BST1: variants seen among roughly 807,000 people sequenced by gnomAD.
BST1 encodes ADP-ribosyl cyclase/cyclic ADP-ribose hydrolase 2.
BST1 carries 49 observed loss-of-function variants against 40.6 expected under a neutral mutation model. That is an observed-to-expected ratio of 1.21 (90% CI 0.96 to 1.53). BST1 has a LOEUF of 1.53. Ranked by LOEUF, BST1 falls within the 40% of genes most tolerant of loss-of-function variation. The pLI is 0.00. For synonymous variants in BST1, 157 were observed against 159.3 expected, an observed-to-expected ratio of 0.99 and a Z score of 0.11; for missense variants, 423 against 395.9, an observed-to-expected ratio of 1.07 and a Z score of -0.58.
intron 6 of BST1, among the ~76,000 whole-genome samples, chr4:15,716,612 C>A (rs562103832): frequency 2.6e-5 from 4 of 152,164 alleles, no homozygotes; most frequent in Non-Finnish European, 5.9e-5. Flanking sequence ...TTATTTTTCC[C>A]GTCTCTTAGG....
chr4:15,722,865 C>T lies in BST1; in HGVS notation c.792-10C>T. Reference sequence around the variant, plus strand: ...TAAATAATCCCTTAAATATTATTTTCTTTCTGTAGACCAGTGAAGCTCTTA... The same window carrying T: ...TAAATAATCCCTTAAATATTATTTTTTTTCTGTAGACCAGTGAAGCTCTTA... On this transcript the variant is annotated splice_polypyrimidine_tract_variant and intron_variant, in intron 7 of 8. Transcript: ENST00000265016. 1 of 1,610,604 alleles carries T rather than the reference C, an allele frequency of 6.2e-7. No homozygotes were observed. Among genetic ancestry groups the T allele is most frequent in the South Asian group, 1.1e-5 (1 of 90,618 alleles).
rs149266397 is a variant in BST1, at chr4:15,719,060, C to T, written c.791+67C>T. 78 of 1,419,142 alleles carry T rather than the reference C, an allele frequency of 5.5e-5. 1 individual carries two copies. In the East Asian group the frequency reaches 1.1e-3, roughly 21 times the overall value. The allele number at this position is 1,419,142 out of a possible 1,614,324, so 87.9% of individuals were successfully genotyped here. ...TATGATTTTGGAGGAGGTGGGCTGC[C>T]GAAAGGGTATTGATGGCTCTCAGCT... On this transcript the variant is annotated intron_variant, in intron 7 of 8. Transcript: ENST00000265016.
At chr4:15,707,464 G>A (rs1719941259) in intron 2 of BST1, 47 bp from the exon 3 acceptor site, 1 of 1,612,808 alleles carries the variant, frequency 6.2e-7, no homozygotes, top group Non-Finnish European at 8.5e-7. Flanking sequence ...TGAGGAGTCG[G>A]TTTTGATTCT....
rs1324521932 is a variant in BST1, at chr4:15,703,994, G to A, written c.188+662G>A. On this transcript the variant is annotated intron_variant, in intron 1 of 8. Transcript: ENST00000265016. ...TGTGTGTGTTCTGGAGGTGAGATGT[G>A]TGTGTGTGTGTTCTAGAGGTGAGGG... Among the ~76,000 whole-genome samples, 35 of 145,406 alleles carry A rather than the reference G, an allele frequency of 2.4e-4. 1 individual carries two copies. The highest frequency in any genetic ancestry group is 7.9e-4 in the African/African-American group (31 of 39,062).
intron 2 of BST1, 105 bp downstream of exon 2, chr4:15,705,746 C>T: frequency 4.9e-6 from 7 of 1,426,390 alleles, no homozygotes; most frequent in Non-Finnish European, 5.9e-6. Context: ...CCTGCAATGT[C>T]ACAGAAACAT....
At position 15,709,875 on chromosome 4, in the gene BST1, C is replaced by T. The variant is rs183759322; in HGVS notation, c.452-1932C>T. Among the ~76,000 whole-genome samples the T allele has an allele frequency of 3.2e-3, 491 of 152,254 alleles. 2 individuals carry two copies. The highest frequency in any genetic ancestry group is 0.011 in the African/African-American group (472 of 41,548). ...ATAAAAACACATATACACAATACAT[C>T]TATGTAAATAAACACAGAAAAAAGT... On this transcript the variant is annotated intron_variant, in intron 3 of 8. Coordinates refer to ENST00000265016, the MANE Select transcript of BST1 (RefSeq NM_004334.3).
At chr4:15,719,036 A>C in intron 7 of BST1, 43 bp downstream of exon 7, 1 of 1,574,222 alleles carries the variant, frequency 6.4e-7, no homozygotes, top group Admixed American at 1.7e-5. Context: ...GAGGTGGTGT[A>C]TGATTTTGGA....
At chr4:15,757,211 C>T in the BST1 span, among the ~76,000 whole-genome samples, 1 of 152,166 alleles carries the variant, frequency 6.6e-6, no homozygotes, top group Non-Finnish European at 1.5e-5. Flanking sequence ...GCTATATAAG[C>T]TTCAATCATC....
chr4:15,768,715 C>T, the BST1 span, among the ~76,000 whole-genome samples: 1 of 151,936 alleles, frequency 6.6e-6, no homozygotes, highest in African/African-American at 2.4e-5. Flanking sequence ...CCAGGATGGT[C>T]TCGATCTCCT....
chr4:15,726,841 A>C (rs1721139775), intron 8 of BST1, among the ~76,000 whole-genome samples: 1 of 149,902 alleles, frequency 6.7e-6, no homozygotes, highest in African/African-American at 2.5e-5. Context: ...AAGGAGAACG[A>C]GGGTAGCTCT....
intron 8 of BST1, among the ~76,000 whole-genome samples, chr4:15,725,945 G>T (rs6845597): frequency 0.15 from 16,846 of 114,318 alleles, 2,159 homozygotes; most frequent in East Asian, 0.56. Flanking sequence ...GTGAAGTGCG[G>T]TCTTTTTTTT....
In BST1 at chr4:15,722,128, C is replaced by G. The variant is rs771088423; in HGVS notation, c.792-747C>G. On this transcript the variant is annotated intron_variant, in intron 7 of 8. Transcript: ENST00000265016. ...AGCATTGGCCATCACCCATGTGGTT[C>G]AAGTCCAACCTTCTGCCCAAAGTAC... Among the ~76,000 whole-genome samples, 3 of 152,344 alleles carry G rather than the reference C, an allele frequency of 2.0e-5. 1 individual carries two copies. The highest frequency in any genetic ancestry group is 4.4e-5 in the Non-Finnish European group (3 of 68,036).
chr4:15,763,399 G>A, the BST1 span, among the ~76,000 whole-genome samples: 7 of 151,586 alleles, frequency 4.6e-5, 1 homozygote, highest in African/African-American at 1.5e-4. Flanking sequence ...TAATATTAAT[G>A]CCATTTATTT....
downstream of BST1, among the ~76,000 whole-genome samples, chr4:15,740,522 G>C (rs1213924490): frequency 2.0e-5 from 3 of 152,166 alleles, no homozygotes; most frequent in African/African-American, 7.2e-5. Flanking sequence ...CTATTAGCCA[G>C]ATGAGAGGTG....
chr4:15,705,680 G>A, intron 2 of BST1, 39 bp downstream of exon 2: 4 of 1,609,458 alleles, frequency 2.5e-6, no homozygotes, highest in Non-Finnish European at 3.4e-6. Flanking sequence ...TGTGTTCTCT[G>A]TCTCTACAGA....
the BST1 span, among the ~76,000 whole-genome samples, chr4:15,759,271 A>T: frequency 6.6e-6 from 1 of 151,978 alleles, no homozygotes; most frequent in Non-Finnish European, 1.5e-5. Flanking sequence ...AAGAAGATGG[A>T]TGTGCTGCTC....
the BST1 span, chr4:15,743,569 C>T: frequency 5.6e-6 from 2 of 357,588 alleles, no homozygotes; most frequent in Admixed American, 3.4e-5. Flanking sequence ...ATGCTGATGG[C>T]ACAAAGGGCC....
At chr4:15,740,763 A>G (rs1208663020), downstream of BST1, among the ~76,000 whole-genome samples, 1 of 152,116 alleles carries the variant, frequency 6.6e-6, no homozygotes, top group African/African-American at 2.4e-5. Context: ...AGGCTGGAGC[A>G]TTATTTACAA....
chr4:15,749,706 G>T, the BST1 span, among the ~76,000 whole-genome samples: 1 of 151,968 alleles, frequency 6.6e-6, no homozygotes, highest in Non-Finnish European at 1.5e-5. Context: ...TTTTTTGTGG[G>T]CTCATAGTAG....
Sources: allele counts gnomAD v4.1 joint callset (sites outside exome capture counted in the v4.1 genomes callset), GRCh38; gene constraint gnomAD v4.1.1; transcripts MANE v1.5; gene names NCBI Gene and HGNC (gene_info 2026-07-23, HGNC 2026-07-21).